Variants in MYO18B observed in about 807,000 individuals in gnomAD.
MYO18B encodes myosin XVIIIB, also known as unconventional myosin-XVIIIb.
Under a neutral mutation model 273.0 loss-of-function variants are expected in MYO18B, and 204 were observed. The ratio of observed to expected loss-of-function variants is 0.75; its 90% confidence interval spans 0.67 to 0.84. The LOEUF (loss-of-function observed/expected upper bound fraction) is 0.84. Ranked by LOEUF, MYO18B falls within the 40% of genes least tolerant of loss-of-function variation. The pLI is 0.00. For missense variants in MYO18B, 3,212 were observed against 3,287.6 expected (o/e 0.98, Z 0.56); for synonymous variants, 1,330 against 1,305.7 (o/e 1.02, Z -0.40).
chr22:25,938,674 C>G (rs1053543068), intron 34 of MYO18B, among the ~76,000 whole-genome samples: 1 of 152,124 alleles, frequency 6.6e-6, no homozygotes, highest in Admixed American at 6.6e-5. Flanking sequence ...GATGAGTAAT[C>G]GGGAAAGGGA....
At chr22:25,877,428 C>T (rs1283324821) in intron 24 of MYO18B, 2 of 152,286 alleles carry the variant, frequency 1.3e-5, no homozygotes, top group Middle Eastern at 3.4e-3. Flanking sequence ...ACAAATCCAT[C>T]ACTTCATTTA....
chr22:25,847,430 G>T lies in MYO18B; in HGVS notation c.3553G>T (p.Asp1185Tyr). ...CCTGACCTCCCTCTATTTGGTCTAG[G>T]ATGCGCTGACCAGCATGATCAAAAG... is the stretch of plus-strand genomic sequence containing the variant. ...APCSQIKLQM[D>Y]ALTSMIKRSR... Residue 1185 changes from aspartate to tyrosine, a missense_variant and splice_region_variant, in exon 20 of 44, where the codon GAT becomes TAT. Asp to Tyr is a radical substitution (Grantham distance 160). Transcript: ENST00000335473. The T allele has an allele frequency of 6.4e-7, 1 of 1,563,804 alleles. No individual in the cohort carries two copies. Among genetic ancestry groups the T allele is most frequent in the Non-Finnish European group, 8.7e-7 (1 of 1,153,718 alleles).
chr22:25,890,681 T>C lies in MYO18B; in HGVS notation c.4315-75T>C, dbSNP rs6004812. On this transcript the variant is annotated intron_variant, in intron 25 of 43. Coordinates refer to ENST00000335473, the MANE Select transcript of MYO18B (RefSeq NM_032608.7). ...ATGATAGTGATTTGTCCAAAGGCGA[T>C]CCTGTGCATGGGGAGAGAAGGGTTG... The C allele has an allele frequency of 1.6e-3, 2,545 of 1,574,960 alleles. 33 individuals carry two copies. In the African/African-American group the frequency reaches 0.03, roughly 18 times the overall value.
intron 14 of MYO18B, among the ~76,000 whole-genome samples, chr22:25,826,984 C>A (rs1040547025): frequency 6.6e-6 from 1 of 152,160 alleles, no homozygotes; most frequent in African/African-American, 2.4e-5. Context: ...ATTGCTTGAA[C>A]CTGGGAAGCA....
chr22:25,862,451 T>C (rs2090764999), intron 21 of MYO18B, among the ~76,000 whole-genome samples: 1 of 152,210 alleles, frequency 6.6e-6, no homozygotes. Flanking sequence ...ACGTGTGATA[T>C]GATACCTTGC....
intron 11 of MYO18B, among the ~76,000 whole-genome samples, chr22:25,795,130 T>C (rs568574263): frequency 6.6e-6 from 1 of 152,340 alleles, no homozygotes; most frequent in South Asian, 2.1e-4. Context: ...ATCGCTGTGC[T>C]CTGGGTATAC....
chr22:25,876,855 T>G (rs2091214798), intron 24 of MYO18B: 1 of 152,252 alleles, frequency 6.6e-6, no homozygotes, highest in African/African-American at 2.4e-5. Context: ...CTTCGACTTG[T>G]ATTTTCTACT....
At chr22:25,991,841 G>C (rs917444499) in intron 39 of MYO18B, among the ~76,000 whole-genome samples, 7 of 152,196 alleles carry the variant, frequency 4.6e-5, no homozygotes, top group Admixed American at 6.5e-5. Context: ...TCTGGAGGGA[G>C]CCCAGCTGGG....
Position 25,809,768 on chromosome 22 carries a change from G to A in MYO18B, c.2521+11671G>A, listed in dbSNP as rs559426450. Among the ~76,000 whole-genome samples, 5 of 152,096 alleles carry A rather than the reference G, an allele frequency of 3.3e-5. 1 individual carries two copies. The highest frequency in any genetic ancestry group is 1.2e-4 in the African/African-American group (5 of 41,416). ...ATACCCCGACACCAGTAGCAAGGAC[G>A]GTCCATCCAGGGGTAGGAAGAAGTG... On this transcript the variant is annotated intron_variant, in intron 12 of 43. Coordinates refer to ENST00000335473, the MANE Select transcript of MYO18B (RefSeq NM_032608.7).
intron 12 of MYO18B, among the ~76,000 whole-genome samples, chr22:25,801,533 G>C (rs5761209): frequency 6.6e-6 from 1 of 152,136 alleles, no homozygotes; most frequent in African/African-American, 2.4e-5. Flanking sequence ...GAAGGAGTCA[G>C]TGGCAAAAAC....
In MYO18B at chr22:25,761,825, C is replaced by A. The variant is rs911295197; in HGVS notation, c.39+694C>A. On this transcript the variant is annotated intron_variant, in intron 2 of 43. Transcript: ENST00000335473. ...ATGGCATTGGAAGCTGCAGAGGGTG[C>A]CTTAAGACTGTCTCTTGGCCAGGCG... Among the ~76,000 whole-genome samples, 3 of 151,976 alleles carry A rather than the reference C, an allele frequency of 2.0e-5. No homozygotes were observed. In the South Asian group the frequency reaches 6.2e-4, roughly 32 times the overall value.
At chr22:25,967,992 T>C (rs2092996961) in intron 39 of MYO18B, among the ~76,000 whole-genome samples, 2 of 152,168 alleles carry the variant, frequency 1.3e-5, no homozygotes, top group South Asian at 4.1e-4. Context: ...TTTTGAACAT[T>C]TACCAGCACA....
At chr22:25,841,906 G>A (rs1370512034) in intron 17 of MYO18B, among the ~76,000 whole-genome samples, 1 of 152,236 alleles carries the variant, frequency 6.6e-6, no homozygotes, top group Non-Finnish European at 1.5e-5. Flanking sequence ...TGTGTGCTTT[G>A]TCACCTTACT....
rs1174377576 is a variant in MYO18B, at chr22:25,765,188, C to A, written c.198+1799C>A. 3.9e-5 allele frequency among the ~76,000 whole-genome samples: 6 copies of A among 152,110 alleles called. No individual in the cohort carries two copies. The East Asian group carries it at 1.2e-3, about 29-fold the overall frequency. Reference sequence around the variant, plus strand: ...ATGCAGGATGGCTCTGAGCCTCAGCCCACAGCAGGTGGCTGGACCATGGGC... The same window carrying A: ...ATGCAGGATGGCTCTGAGCCTCAGCACACAGCAGGTGGCTGGACCATGGGC... On this transcript the variant is annotated intron_variant, in intron 3 of 43. Transcript: ENST00000335473.
chr22:25,947,876 G>T, intron 36 of MYO18B, 48 bp downstream of exon 36: 1 of 1,420,282 alleles, frequency 7.0e-7, no homozygotes, highest in South Asian at 1.2e-5. Context: ...TTGGGGTGGG[G>T]TGAATGGGGA....
chr22:25,915,007 C>T (rs2092237873), intron 33 of MYO18B, among the ~76,000 whole-genome samples: 1 of 151,524 alleles, frequency 6.6e-6, no homozygotes, highest in Admixed American at 6.6e-5. Flanking sequence ...AGTTTTGACT[C>T]TTGACCATGG....
intron 11 of MYO18B, among the ~76,000 whole-genome samples, chr22:25,788,855 C>T (rs567728019): frequency 3.1e-4 from 47 of 152,280 alleles, no homozygotes; most frequent in South Asian, 2.7e-3. Context: ...AATCCCAGTA[C>T]CAGCGGTTAA....
At chr22:25,830,989 T>A (rs2089685949) in intron 15 of MYO18B, among the ~76,000 whole-genome samples, 1 of 152,238 alleles carries the variant, frequency 6.6e-6, no homozygotes, top group Non-Finnish European at 1.5e-5. Context: ...AATACATTTT[T>A]AATTAAAACG....
At chr22:25,935,408 G>T (rs1011308990) in intron 34 of MYO18B, among the ~76,000 whole-genome samples, 4 of 152,152 alleles carry the variant, frequency 2.6e-5, no homozygotes, top group African/African-American at 9.7e-5. Context: ...CCCTGGAGGG[G>T]GTACTTTCCT....
Sources: allele counts gnomAD v4.1 joint callset (sites outside exome capture counted in the v4.1 genomes callset), GRCh38; gene constraint gnomAD v4.1.1; transcripts MANE v1.5; gene names NCBI Gene and HGNC (gene_info 2026-07-23, HGNC 2026-07-21).